Variants in PDE7B observed in about 807,000 individuals in gnomAD.
PDE7B encodes phosphodiesterase 7B, also known as 3',5'-cyclic-AMP phosphodiesterase 7B.
PDE7B carries 29 observed loss-of-function variants against 56.2 expected under a neutral mutation model. That is an observed-to-expected ratio of 0.52 (90% CI 0.38 to 0.70). PDE7B has a LOEUF of 0.70. Ranked by LOEUF, PDE7B falls within the 30% of genes least tolerant of loss-of-function variation. PDE7B has a pLI of 0.00. For missense variants in PDE7B, 490 were observed against 565.0 expected (o/e 0.87, Z 1.35); for synonymous variants, 197 against 196.9 (o/e 1.00, Z 0.00).
At chr6:136,109,225 A>G (rs1418530867) in intron 3 of PDE7B, among the ~76,000 whole-genome samples, 1 of 152,160 alleles carries the variant, frequency 6.6e-6, no homozygotes, top group African/African-American at 2.4e-5. Flanking sequence ...AGTCCCAGCT[A>G]CTTAATTGGG....
At chr6:135,877,452 T>G (rs2128188030) in intron 1 of PDE7B, among the ~76,000 whole-genome samples, 1 of 152,086 alleles carries the variant, frequency 6.6e-6, no homozygotes, top group East Asian at 1.9e-4. Flanking sequence ...TTGCTATTTG[T>G]TTCCTTTTTC....
At chr6:135,915,558 G>A (rs1384301043) in intron 1 of PDE7B, among the ~76,000 whole-genome samples, 1 of 151,932 alleles carries the variant, frequency 6.6e-6, no homozygotes, top group Non-Finnish European at 1.5e-5. Context: ...TAGACCTTTT[G>A]GGGGGTATAA....
chr6:136,124,826 A>G (rs531134227), intron 3 of PDE7B, among the ~76,000 whole-genome samples: 2 of 152,346 alleles, frequency 1.3e-5, no homozygotes, highest in Non-Finnish European at 2.9e-5. Flanking sequence ...TAAATTATAT[A>G]TAACATGCTG....
intron 2 of PDE7B, among the ~76,000 whole-genome samples, chr6:136,054,132 T>A (rs893996418): frequency 6.6e-6 from 1 of 152,252 alleles, no homozygotes; most frequent in Non-Finnish European, 1.5e-5. Context: ...TTCTTGCCCA[T>A]GCTTATGTCC....
intron 2 of PDE7B, chr6:136,038,336 A>T: frequency 7.0e-6 from 9 of 1,292,332 alleles, no homozygotes; most frequent in Non-Finnish European, 9.1e-6. Flanking sequence ...GCTAGGCAGG[A>T]GGTGGACAGG....
At chr6:136,168,760 A>G (rs1279863097) in intron 8 of PDE7B, among the ~76,000 whole-genome samples, 1 of 152,194 alleles carries the variant, frequency 6.6e-6, no homozygotes, top group East Asian at 1.9e-4. Context: ...GACGACCTAA[A>G]TCTACTCAAT....
intron 10 of PDE7B, among the ~76,000 whole-genome samples, chr6:136,179,848 T>C (rs919471911): frequency 7.9e-5 from 12 of 152,232 alleles, no homozygotes; most frequent in South Asian, 2.1e-4. Context: ...AAAAATAAAA[T>C]TGAACTGAAT....
intron 1 of PDE7B, among the ~76,000 whole-genome samples, chr6:135,928,433 ATATATATATATATATTTATT>A (rs1774226911): frequency 1.9e-4 from 23 of 123,794 alleles, no homozygotes; most frequent in South Asian, 4.9e-4. Flanking sequence ...ATGTGATTAT[ATATATATATATATATTTATT>A]TATATATATA....
intron 1 of PDE7B, among the ~76,000 whole-genome samples, chr6:135,906,555 T>C (rs1299875072): frequency 6.6e-6 from 1 of 152,182 alleles, no homozygotes; most frequent in African/African-American, 2.4e-5. Context: ...ATAGAGATTA[T>C]AGATGATTAT....
chr6:135,874,147 C>T (rs1775444435), intron 1 of PDE7B, among the ~76,000 whole-genome samples: 1 of 152,080 alleles, frequency 6.6e-6, no homozygotes, highest in Admixed American at 6.6e-5. Flanking sequence ...GGGAGTAAAC[C>T]ATGCAGATAC....
At position 135,951,549 on chromosome 6, in the gene PDE7B, G is replaced by C. The variant is rs545793138; in HGVS notation, c.82+4025G>C. ...AGTTCATTTGTGAACCTTGCTCTGTGAAACGATAAATCATGGGAAAAGAAA... is the reference window on the plus strand; with the variant it reads ...AGTTCATTTGTGAACCTTGCTCTGTCAAACGATAAATCATGGGAAAAGAAA... On this transcript the variant is annotated intron_variant, in intron 2 of 12. Transcript: ENST00000308191. 2.2e-4 allele frequency among the ~76,000 whole-genome samples: 34 copies of C among 152,250 alleles called. No homozygotes were observed. The South Asian group carries it at 6.8e-3, about 31-fold the overall frequency.
At chr6:135,853,397 G>A (rs770721988) in intron 1 of PDE7B, among the ~76,000 whole-genome samples, 11 of 152,190 alleles carry the variant, frequency 7.2e-5, no homozygotes, top group Non-Finnish European at 1.3e-4. Flanking sequence ...TTTCTGCAGC[G>A]CCTAGTGGGA....
chr6:135,877,295 T>G (rs1389371917), intron 1 of PDE7B, among the ~76,000 whole-genome samples: 2 of 152,020 alleles, frequency 1.3e-5, no homozygotes, highest in African/African-American at 4.8e-5. Flanking sequence ...CATGTCATGT[T>G]TTGGGATTGC....
At chr6:136,005,050 C>T (rs1316036021) in intron 2 of PDE7B, among the ~76,000 whole-genome samples, 2 of 152,190 alleles carry the variant, frequency 1.3e-5, no homozygotes, top group African/African-American at 2.4e-5. Context: ...AATAACGCTG[C>T]ATATCTACAA....
chr6:136,191,901 G>A lies in PDE7B; in HGVS notation c.*61G>A, dbSNP rs1242612277. On this transcript the variant is annotated 3_prime_UTR_variant, in exon 13 of 13. Coordinates refer to ENST00000308191, the MANE Select transcript of PDE7B (RefSeq NM_018945.4). The stretch of plus-strand genomic sequence containing the variant: ...AGGGCCCCCAGAGGGCAGAAGCAGC[G>A]TGGAGGGGCCCTCACGCAGCAGCCC... 13 of 1,290,618 alleles carry A rather than the reference G, an allele frequency of 1.0e-5. No homozygotes were observed. The highest frequency in any genetic ancestry group is 2.6e-4 in the Middle Eastern group (1 of 3,882). The allele number at this position is 1,290,618 out of a possible 1,614,324, so 79.9% of individuals were successfully genotyped here. A position where few individuals can be genotyped will look rare whatever the true frequency, so the allele number is the denominator to read the frequency against.
At chr6:135,859,556 CTT>C (rs1250907538) in intron 1 of PDE7B, among the ~76,000 whole-genome samples, 2 of 152,046 alleles carry the variant, frequency 1.3e-5, no homozygotes, top group Non-Finnish European at 1.5e-5. Context: ...CTATAAATCT[CTT>C]TTAATTATTA....
At chr6:136,147,173 A>C (rs1778428281) in intron 3 of PDE7B, among the ~76,000 whole-genome samples, 178 bp from the exon 4 acceptor site, 1 of 151,764 alleles carries the variant, frequency 6.6e-6, no homozygotes, top group African/African-American at 2.4e-5. Flanking sequence ...TAAAAAAAAA[A>C]CAAATATCAG....
At chr6:135,998,495 G>A (rs1323448805) in intron 2 of PDE7B, among the ~76,000 whole-genome samples, 3 of 152,130 alleles carry the variant, frequency 2.0e-5, no homozygotes, top group East Asian at 3.9e-4. Context: ...GGTGGCTCAC[G>A]CCTGTAATCC....
Position 135,930,297 on chromosome 6 carries a change from A to G in PDE7B, c.22-17167A>G, listed in dbSNP as rs533650102. 5.9e-5 allele frequency among the ~76,000 whole-genome samples: 9 copies of G among 152,250 alleles called. No homozygotes were observed. In the East Asian group the frequency reaches 1.5e-3, roughly 26 times the overall value. The stretch of plus-strand genomic sequence containing the variant: ...AAAGACCTGGCCCCATGATTCAGTT[A>G]TCTCCCACTGGGTCCTTCCCACAAC... On this transcript the variant is annotated intron_variant, in intron 1 of 12. Coordinates refer to ENST00000308191, the MANE Select transcript of PDE7B (RefSeq NM_018945.4).
Sources: gnomAD v4.1 joint callset for allele counts (sites outside exome capture counted in the v4.1 genomes callset) on GRCh38, gnomAD v4.1.1 for gene constraint, MANE v1.5 for transcripts, NCBI Gene and HGNC (gene_info 2026-07-23, HGNC 2026-07-21) for gene names.